POLR2F: variants seen among roughly 807,000 people sequenced by gnomAD.
POLR2F encodes RNA polymerase II, I and III subunit F, also known as DNA-directed RNA polymerases I, II, and III subunit RPABC2.
POLR2F carries 12 observed loss-of-function variants against 22.7 expected under a neutral mutation model. The observed-to-expected ratio is 0.53, with a 90% confidence interval of 0.34 to 0.86. The LOEUF is 0.86. Among genes scored for constraint, POLR2F ranks in the 40% least tolerant of loss-of-function variants. POLR2F has a pLI of 0.02. For synonymous variants in POLR2F, 57 were observed against 66.0 expected (o/e 0.86, Z 0.66); for missense variants, 126 against 171.5 (o/e 0.73, Z 1.48).
chr22:38,016,139 C>T lies in POLR2F; in HGVS notation c.121-9730C>T, dbSNP rs1001828917. Among the ~76,000 whole-genome samples the T allele has an allele frequency of 6.6e-6, 1 of 152,190 alleles. No homozygotes were observed. The highest frequency in any genetic ancestry group is 2.4e-5 in the African/African-American group (1 of 41,440). ...GTCTTGCTCAGCCTTACACCCCCTGCGTCTGGCCAGGGACTCAGCACCCAC... is the reference window on the plus strand; with the variant it reads ...GTCTTGCTCAGCCTTACACCCCCTGTGTCTGGCCAGGGACTCAGCACCCAC... On this transcript the variant is annotated intron_variant, in intron 1 of 2. Transcript: ENST00000333418. The surrounding 1 kb of genome is among the most constrained non-coding windows in gnomAD (Gnocchi z 4.4).
At chr22:37,982,385 G>A (rs1209880207), upstream of POLR2F, among the ~76,000 whole-genome samples, 3 of 152,160 alleles carry the variant, frequency 2.0e-5, no homozygotes, top group African/African-American at 7.2e-5. Context: ...AGCTGCTCTG[G>A]CACTCCCGGG....
At chr22:38,024,032 G>A (rs982997518) in intron 1 of POLR2F, among the ~76,000 whole-genome samples, 3 of 151,310 alleles carry the variant, frequency 2.0e-5, no homozygotes, top group Non-Finnish European at 4.4e-5. Context: ...TAGTAGAGAC[G>A]GGGGTTTCAC....
chr22:38,014,734 C>T (rs961847594), intron 1 of POLR2F, among the ~76,000 whole-genome samples: 16 of 151,302 alleles, frequency 1.1e-4, no homozygotes, highest in African/African-American at 2.9e-4. Flanking sequence ...CTATCTGCCT[C>T]GGCCTCCCAA....
At chr22:37,973,912 A>G (rs761676734), downstream of POLR2F, 16 of 1,610,224 alleles carry the variant, frequency 9.9e-6, 1 homozygote, top group Admixed American at 6.7e-5. Flanking sequence ...CGGAGTGTCC[A>G]CTGGCCACGG....
At chr22:37,992,995 C>A (rs6000970) in intron 1 of POLR2F, among the ~76,000 whole-genome samples, 18 of 152,182 alleles carry the variant, frequency 1.2e-4, no homozygotes, top group African/African-American at 3.4e-4. Context: ...CTTTAGGGAG[C>A]TTGTTCATTC....
rs1932372293 is a variant in POLR2F, at chr22:37,980,729, G to C, written c.293+13559G>C. Among the ~76,000 whole-genome samples the C allele has an allele frequency of 6.6e-6, 1 of 152,150 alleles. No homozygotes were observed. Among genetic ancestry groups the C allele is most frequent in the South Asian group, 2.1e-4 (1 of 4,812 alleles). ...CTTCCTGTCAGCCCTCTTTCTCCCTGGTCTCCCAGGTTTGGAATGGGGGCA... is the reference window on the plus strand; with the variant it reads ...CTTCCTGTCAGCCCTCTTTCTCCCTCGTCTCCCAGGTTTGGAATGGGGGCA... On this transcript the variant is annotated intron_variant, in intron 4 of 4. Coordinates refer to the POLR2F transcript ENST00000405557. The surrounding 1 kb of genome is among the most constrained non-coding windows in gnomAD (Gnocchi z 4.1).
At chr22:38,000,188 T>C (rs2084756436) in intron 1 of POLR2F, among the ~76,000 whole-genome samples, 1 of 152,194 alleles carries the variant, frequency 6.6e-6, no homozygotes, top group Non-Finnish European at 1.5e-5. Flanking sequence ...GTTCCTCCCC[T>C]GGGAGTTGGC....
At chr22:38,015,100 C>G (rs538025210) in intron 1 of POLR2F, among the ~76,000 whole-genome samples, 1 of 152,302 alleles carries the variant, frequency 6.6e-6, no homozygotes, top group South Asian at 2.1e-4. Context: ...GCCACCGCAC[C>G]CGGCCTCTGG....
chr22:38,000,131 C>A (rs1272538945), intron 1 of POLR2F, among the ~76,000 whole-genome samples: 1 of 152,222 alleles, frequency 6.6e-6, no homozygotes, highest in African/African-American at 2.4e-5. Context: ...CATGATGCCT[C>A]CCCTGACGGC....
intron 1 of POLR2F, among the ~76,000 whole-genome samples, chr22:38,022,773 G>A (rs554561114): frequency 9.2e-5 from 14 of 152,256 alleles, no homozygotes; most frequent in African/African-American, 3.4e-4. Context: ...AGCACTTTGG[G>A]AGGCTGAGGC....
intron 1 of POLR2F, among the ~76,000 whole-genome samples, chr22:38,020,301 GTC>G (rs2084950461): frequency 6.6e-6 from 1 of 150,952 alleles, no homozygotes; most frequent in East Asian, 1.9e-4. Context: ...GTCTCATATT[GTC>G]TCTCAGGCTG....
chr22:38,039,155 C>A (rs2085147496), intron 5 of POLR2F, among the ~76,000 whole-genome samples: 1 of 152,232 alleles, frequency 6.6e-6, no homozygotes, highest in African/African-American at 2.4e-5. Context: ...CGCTGGGAAC[C>A]AGCCCCTCCA....
chr22:38,038,993 A>C (rs1569187304), intron 5 of POLR2F, among the ~76,000 whole-genome samples: 1 of 152,088 alleles, frequency 6.6e-6, no homozygotes, highest in Non-Finnish European at 1.5e-5. Context: ...TGCGCCCCCC[A>C]GGGAGTGGCA....
At position 37,986,691 on chromosome 22, in the gene POLR2F, A is replaced by G; in HGVS notation, c.120+379A>G. 2.1e-6 allele frequency: 1 copy of G among 476,106 alleles called. No homozygotes were observed. Among genetic ancestry groups the G allele is most frequent in the Non-Finnish European group, 4.1e-6 (1 of 243,346 alleles). The allele number at this position is 476,106 out of a possible 1,614,324, so 29.5% of individuals were successfully genotyped here. ...TTTGCTGAGCAGTGTTGGGTGAGGC[A>G]GGTGGGCCTGCAGGGCGGGTGGGAA... On this transcript the variant is annotated intron_variant, in intron 1 of 2. Transcript: ENST00000333418. The surrounding 1 kb of genome is among the most constrained non-coding windows in gnomAD (Gnocchi z 4.7).
downstream of POLR2F, among the ~76,000 whole-genome samples, chr22:38,030,767 T>C (rs3026670): frequency 0.64 from 97,916 of 151,904 alleles, 32,567 homozygotes; most frequent in African/African-American, 0.81. Flanking sequence ...GAAGAGGTCA[T>C]GCAGTGGGGA....
Position 37,969,050 on chromosome 22 carries a change from C to A in POLR2F, c.*1335C>A. The A allele has an allele frequency of 1.0e-6, 1 of 985,458 alleles. No homozygotes were observed. Among genetic ancestry groups the A allele is most frequent in the Non-Finnish European group, 1.2e-6 (1 of 829,970 alleles). 61.0% of individuals were successfully genotyped at this position (985,458 alleles called of 1,614,324 possible). ...CCCCAGAGTGCGGGGGTCACTTTCT[C>A]GGCCCCATTTCTCTAAATGGTCTCT... On this transcript the variant is annotated 3_prime_UTR_variant, in exon 5 of 5. Coordinates refer to ENST00000442738, the MANE Select transcript of POLR2F (RefSeq NM_021974.5).
chr22:37,970,322 G>A (rs1450130928), downstream of POLR2F, among the ~76,000 whole-genome samples: 2 of 150,906 alleles, frequency 1.3e-5, no homozygotes, highest in East Asian at 1.9e-4. Flanking sequence ...GAGATAATAG[G>A]CCAGGTGCGG....
chr22:38,022,465 T>G (rs2084967860), intron 1 of POLR2F, among the ~76,000 whole-genome samples: 1 of 149,220 alleles, frequency 6.7e-6, no homozygotes, highest in African/African-American at 2.5e-5. Context: ...GTGGGAGAAT[T>G]GCTTGAACCC....
intron 1 of POLR2F, among the ~76,000 whole-genome samples, chr22:38,019,445 C>A (rs1024242437): frequency 6.6e-6 from 1 of 152,154 alleles, no homozygotes; most frequent in Non-Finnish European, 1.5e-5. Context: ...ACAAGGACCT[C>A]CTTGGGGGTG....
Sources: gnomAD v4.1 joint callset for allele counts (sites outside exome capture counted in the v4.1 genomes callset) on GRCh38, gnomAD v4.1.1 for gene constraint, Gnocchi (gnomAD v3.1) non-coding constraint, MANE v1.5 for transcripts, NCBI Gene and HGNC (gene_info 2026-07-23, HGNC 2026-07-21) for gene names.